The following PRUNE1 variants were observed in gnomAD, a reference collection of about 807,000 sequenced individuals.
The protein encoded by PRUNE1 is prune exopolyphosphatase 1.
In PRUNE1, 25 loss-of-function variants were observed where a neutral mutation model predicts 42.5. That is an observed-to-expected ratio of 0.59 (90% CI 0.43 to 0.82). PRUNE1 has a LOEUF of 0.82. Among genes scored for constraint, PRUNE1 ranks in the 40% least tolerant of loss-of-function variants. The pLI is 0.00. For synonymous variants in PRUNE1, 203 were observed against 217.1 expected, an observed-to-expected ratio of 0.93 and a Z score of 0.57; for missense variants, 443 against 539.3, an observed-to-expected ratio of 0.82 and a Z score of 1.77.
chr1:151,018,182 T>C (rs916853490), intron 2 of PRUNE1, among the ~76,000 whole-genome samples: 3 of 152,168 alleles, frequency 2.0e-5, no homozygotes, highest in African/African-American at 7.2e-5. Context: ...AGTGATCTAG[T>C]GTGTATTCCT....
chr1:151,028,770 G>C lies in PRUNE1; in HGVS notation c.775-16G>C. The stretch of plus-strand genomic sequence containing the variant: ...ATGAGAAAGTCCTTCATCCCTCTCC[G>C]TTTCTTCCCTTTCAGGCCTTTCTGC... On this transcript the variant is annotated splice_polypyrimidine_tract_variant and intron_variant, in intron 6 of 7. Coordinates refer to ENST00000271620, the MANE Select transcript of PRUNE1 (RefSeq NM_021222.3). 1 of 1,610,990 alleles carries C rather than the reference G, an allele frequency of 6.2e-7. No homozygotes were observed. The highest frequency in any genetic ancestry group is 8.5e-7 in the Non-Finnish European group (1 of 1,178,550).
In PRUNE1 at chr1:151,018,609, A is replaced by T; in HGVS notation, c.275A>T (p.His92Leu). Residue 92 changes from histidine (H) to leucine (L), a missense_variant, in exon 3 of 8, where the codon CAT (histidine) becomes CTT (leucine). His to Leu is a moderately conservative substitution (Grantham distance 99). Coordinates refer to ENST00000271620, the MANE Select transcript of PRUNE1 (RefSeq NM_021222.3). ...ATTTTTCGGGATGAGATTGACCTCC[A>T]TGCATTATACCAGGCTGGCCAACTC... ...ILIFRDEIDLHALYQAGQLTL... is the reference protein window; with the variant it reads ...ILIFRDEIDLLALYQAGQLTL... The T allele has an allele frequency of 1.2e-6, 2 of 1,614,224 alleles. No individual in the cohort carries two copies. The highest frequency in any genetic ancestry group is 2.7e-5 in the African/African-American group (2 of 75,068).
chr1:151,015,357 C>G (rs1176993702), intron 1 of PRUNE1, among the ~76,000 whole-genome samples: 1 of 128,268 alleles, frequency 7.8e-6, no homozygotes, highest in Non-Finnish European at 1.6e-5. Flanking sequence ...AAACAAGGGC[C>G]GGGCACGGTG....
At chr1:151,019,963 C>T (rs1350163125) in intron 3 of PRUNE1, among the ~76,000 whole-genome samples, 1 of 151,158 alleles carries the variant, frequency 6.6e-6, no homozygotes, top group South Asian at 2.1e-4. Flanking sequence ...TCCTGAGTAG[C>T]TGGGATTACA....
intron 4 of PRUNE1, among the ~76,000 whole-genome samples, 153 bp downstream of exon 4, chr1:151,024,948 G>A (rs1306070283): frequency 6.6e-6 from 1 of 152,168 alleles, no homozygotes; most frequent in African/African-American, 2.4e-5. Flanking sequence ...GGACAATTGA[G>A]CATGTGTTTA....
chr1:151,022,430 T>A (rs1467283236), intron 3 of PRUNE1, among the ~76,000 whole-genome samples: 2 of 148,124 alleles, frequency 1.4e-5, no homozygotes, highest in Non-Finnish European at 1.5e-5. Flanking sequence ...TTTTTTTTTT[T>A]TTTTAAGAGA....
chr1:151,033,708 AAAGCTTCCTCTTCTATAG>A (rs1253524867), intron 7 of PRUNE1, 80 bp from the exon 8 acceptor site: 2 of 1,269,934 alleles, frequency 1.6e-6, no homozygotes, highest in Non-Finnish European at 2.2e-6. Context: ...TTACTTTTTA[AAAGCTTCCTCTTCTATAG>A]AGGAAGCCTC....
At position 151,017,808 on chromosome 1, in the gene PRUNE1, C is replaced by A; in HGVS notation, c.40-4C>A. The stretch of plus-strand genomic sequence containing the variant: ...GTTAGTTTCCCATTTTCCTTTCTCT[C>A]CAGGAGTCCCGACCTCTACATGTTG... On this transcript the variant is annotated splice_polypyrimidine_tract_variant and splice_region_variant and intron_variant, in intron 1 of 7. Coordinates refer to ENST00000271620, the MANE Select transcript of PRUNE1 (RefSeq NM_021222.3). 5 of 1,562,684 alleles carry A rather than the reference C, an allele frequency of 3.2e-6. No homozygotes were observed. In the African/African-American group the frequency reaches 4.1e-5, roughly 13 times the overall value.
At position 151,024,666 on chromosome 1, in the gene PRUNE1, G is replaced by C. The variant is rs186350294; in HGVS notation, c.391G>C (p.Glu131Gln). 3.7e-6 allele frequency: 6 copies of C among 1,613,584 alleles called. No individual in the cohort carries two copies. The highest frequency in any genetic ancestry group is 5.1e-6 in the Non-Finnish European group (6 of 1,179,674). ...VAEVLDHRPI[E>Q]PKHCPPCHVS... ...AGAGGTGCTAGACCATCGACCCATC[G>C]AGCCGAAACACTGCCCTCCCTGCCA... Residue 131 changes from glutamate to glutamine, a missense_variant, in exon 4 of 8, where the codon GAG becomes CAG. Transcript: ENST00000271620.
At chr1:151,010,175 C>T (rs1429969718) in intron 1 of PRUNE1, among the ~76,000 whole-genome samples, 5 of 152,078 alleles carry the variant, frequency 3.3e-5, no homozygotes, top group South Asian at 4.1e-4. Flanking sequence ...TGATCACCTC[C>T]CCGGCTCAAG....
chr1:151,029,051 A>C, intron 7 of PRUNE1, 107 bp downstream of exon 7: 2 of 1,203,378 alleles, frequency 1.7e-6, no homozygotes, highest in Non-Finnish European at 2.3e-6. Context: ...TTCTTATATT[A>C]ATGTACTTAC....
chr1:151,031,780 C>T (rs983845419), intron 7 of PRUNE1, among the ~76,000 whole-genome samples: 7 of 152,058 alleles, frequency 4.6e-5, no homozygotes, highest in Non-Finnish European at 1.0e-4. Context: ...AGTTCAAGTT[C>T]TTGAGCACAT....
chr1:151,031,078 C>T (rs1385185215), intron 7 of PRUNE1, among the ~76,000 whole-genome samples: 1 of 152,056 alleles, frequency 6.6e-6, no homozygotes, highest in Non-Finnish European at 1.5e-5. Context: ...CCCCTCTGTG[C>T]TGCTCTTTTA....
chr1:151,029,614 G>A (rs753693523), intron 7 of PRUNE1, among the ~76,000 whole-genome samples: 8 of 151,444 alleles, frequency 5.3e-5, no homozygotes, highest in African/African-American at 1.2e-4. Context: ...TGATCCGCCC[G>A]CCTTGGCCTC....
chr1:151,027,746 T>TTG (rs1491208609), intron 6 of PRUNE1, among the ~76,000 whole-genome samples: 2 of 103,964 alleles, frequency 1.9e-5, no homozygotes, highest in African/African-American at 7.0e-5. Flanking sequence ...CACACCTAAC[T>TTG]AGTGTGTGTG....
At chr1:151,020,330 A>G (rs1298090195) in intron 3 of PRUNE1, among the ~76,000 whole-genome samples, 4 of 151,936 alleles carry the variant, frequency 2.6e-5, no homozygotes, top group African/African-American at 9.7e-5. Flanking sequence ...GCATGCCTGT[A>G]GTCCCAGCTA....
At chr1:151,014,237 C>T (rs1673959069) in intron 1 of PRUNE1, among the ~76,000 whole-genome samples, 1 of 152,176 alleles carries the variant, frequency 6.6e-6, no homozygotes, top group Admixed American at 6.5e-5. Flanking sequence ...CCTCGGCCTC[C>T]CAAAGTGCTG....
Position 151,033,932 on chromosome 1 carries a change from C to T in PRUNE1, c.1060C>T (p.Leu354=). 4 of 1,614,160 alleles carry T rather than the reference C, an allele frequency of 2.5e-6. No individual in the cohort carries two copies. Among genetic ancestry groups the T allele is most frequent in the Non-Finnish European group, 3.4e-6 (4 of 1,180,022 alleles). The change falls in exon 8 of 8, where the codon CTG becomes TTG. Residue 354 remains leucine, a synonymous_variant. Coordinates refer to ENST00000271620, the MANE Select transcript of PRUNE1 (RefSeq NM_021222.3). ...TQVSRKKLLP[L]LQEALSAYFD... Reference sequence around the variant, plus strand: ...GGTCTCTCGAAAGAAACTTCTGCCCCTGCTCCAGGAAGCCCTGTCAGCATA... The same window carrying T: ...GGTCTCTCGAAAGAAACTTCTGCCCTTGCTCCAGGAAGCCCTGTCAGCATA...
chr1:151,019,933 C>T (rs893250685), intron 3 of PRUNE1, among the ~76,000 whole-genome samples: 2 of 151,154 alleles, frequency 1.3e-5, no homozygotes, highest in African/African-American at 2.4e-5. Context: ...TGGGTTCAAG[C>T]GATTCTCCCT....
Sources: gnomAD v4.1 joint callset for allele counts (sites outside exome capture counted in the v4.1 genomes callset) on GRCh38, gnomAD v4.1.1 for gene constraint, MANE v1.5 for transcripts, NCBI Gene and HGNC (gene_info 2026-07-23, HGNC 2026-07-21) for gene names.